The following KRR1 variants were observed in gnomAD, a reference collection of about 807,000 sequenced individuals.
KRR1 encodes KRR1 small subunit processome component homolog.
In KRR1, 23 loss-of-function variants were observed where a neutral mutation model predicts 50.0. The observed-to-expected ratio is 0.46, with a 90% CI of 0.33 to 0.65. KRR1 has a LOEUF of 0.65. KRR1 is among the 30% of genes least tolerant of loss of function. The pLI, the probability that KRR1 is intolerant of heterozygous loss-of-function variation, is 0.02. For missense variants in KRR1, 419 were observed against 442.4 expected, an observed-to-expected ratio of 0.95 and a Z score of 0.47; for synonymous variants, 133 against 146.3, an observed-to-expected ratio of 0.91 and a Z score of 0.66.
Position 75,511,378 on chromosome 12 carries a change from TATC to T in KRR1, c.85+132_85+134del, listed in dbSNP as rs1339418835. 20 of 744,802 alleles carry T rather than the reference TATC, an allele frequency of 2.7e-5. No homozygotes were observed. In the East Asian group the frequency reaches 4.4e-4, roughly 16 times the overall value. The allele number at this position is 744,802 out of a possible 1,614,324, so 46.1% of individuals were successfully genotyped here. A position where few individuals can be genotyped will look rare whatever the true frequency, so the allele number is the denominator to read the frequency against. ...GTTCCTGTGGGCCCAGCCAAAATCT[TATC>T]AGCGATTATTCAGGTACTCAACTAC... On this transcript the variant is annotated intron_variant, in intron 1 of 9. Transcript: ENST00000229214.
intron 7 of KRR1, 54 bp downstream of exon 7, chr12:75,503,850 C>A: frequency 6.8e-7 from 1 of 1,479,990 alleles, no homozygotes; most frequent in Non-Finnish European, 9.2e-7. Context: ...AGTTTCTGAC[C>A]AAATACATTA....
rs2046416715 is a variant in KRR1 at position 75,505,241 on chromosome 12, A to G, written c.617T>C (p.Val206Ala). 1.3e-6 allele frequency: 2 copies of G among 1,575,436 alleles called. No homozygotes were observed. The highest frequency in any genetic ancestry group is 1.8e-5 in the Admixed American group (1 of 54,058). Residue 206 changes from valine to alanine, a missense_variant, in exon 6 of 10, where the codon GTC (valine) becomes GCC (alanine). Coordinates refer to ENST00000229214, the MANE Select transcript of KRR1 (RefSeq NM_007043.7). ...FSGLKEVRKV[V>A]LDTMKNIHPI... Reference sequence around the variant, plus strand: ...ATGAATATTCTTCATAGTATCAAGGACTACTTTTCTAACCTGAAATTTGCA... The same window carrying G: ...ATGAATATTCTTCATAGTATCAAGGGCTACTTTTCTAACCTGAAATTTGCA...
In KRR1 at chr12:75,495,955, A is replaced by G. The variant is rs977262630; in HGVS notation, c.*3854T>C. 2.6e-5 allele frequency: 6 copies of G among 228,124 alleles called. No homozygotes were observed. The highest frequency in any genetic ancestry group is 1.4e-4 in the African/African-American group (6 of 43,608). The allele number at this position is 228,124 out of a possible 1,614,324, so 14.1% of individuals were successfully genotyped here. Reference sequence around the variant, plus strand: ...TTTGCTTATTTCAGCAAGATCAAAAATAAGTATAACAGGTCATCCAAACAA... The same window carrying G: ...TTTGCTTATTTCAGCAAGATCAAAAGTAAGTATAACAGGTCATCCAAACAA... On this transcript the variant is annotated 3_prime_UTR_variant, in exon 10 of 10. Transcript: ENST00000229214.
chr12:75,503,723 C>T (rs2046409381), intron 7 of KRR1, 181 bp downstream of exon 7: 2 of 491,104 alleles, frequency 4.1e-6, no homozygotes, highest in South Asian at 4.4e-5. Flanking sequence ...ACTGCACACC[C>T]CCATGCACTC....
rs1325417510 is a variant in KRR1, at chr12:75,491,946, G to A, written c.*7863C>T. 2 of 152,176 alleles carry A rather than the reference G, an allele frequency of 1.3e-5. No individual in the cohort carries two copies. The highest frequency in any genetic ancestry group is 2.9e-5 in the Non-Finnish European group (2 of 68,034). 9.4% of individuals were successfully genotyped at this position (152,176 alleles called of 1,614,324 possible). ...AGAAGACATGCTCGATACTCTGACTGAGTGCTGTAGGTGTGAAGGAGGAGA... is the reference window on the plus strand; with the variant it reads ...AGAAGACATGCTCGATACTCTGACTAAGTGCTGTAGGTGTGAAGGAGGAGA... On this transcript the variant is annotated 3_prime_UTR_variant, in exon 10 of 10. Coordinates refer to ENST00000229214, the MANE Select transcript of KRR1 (RefSeq NM_007043.7).
At chr12:75,505,015 G>A (rs1007812858) in intron 6 of KRR1, among the ~76,000 whole-genome samples, 183 bp downstream of exon 6, 1 of 151,880 alleles carries the variant, frequency 6.6e-6, no homozygotes, top group Non-Finnish European at 1.5e-5. Context: ...GAGCTTCTAA[G>A]AAGTACCTAC....
At chr12:75,502,150 A>G (rs2046398766) in intron 7 of KRR1, 150 bp from the exon 8 acceptor site, 1 of 640,030 alleles carries the variant, frequency 1.6e-6, no homozygotes, top group Non-Finnish European at 2.7e-6. Flanking sequence ...ACAGAGTCTA[A>G]GCTGAGGGGA....
chr12:75,496,725 T>A lies in KRR1; in HGVS notation c.*3084A>T, dbSNP rs1284377620. The A allele has an allele frequency of 1.2e-4, 19 of 152,190 alleles. No homozygotes were observed. Among genetic ancestry groups the A allele is most frequent in the Non-Finnish European group, 2.9e-5 (2 of 68,032 alleles). 9.4% of individuals were successfully genotyped at this position (152,190 alleles called of 1,614,324 possible). On this transcript the variant is annotated 3_prime_UTR_variant, in exon 10 of 10. Transcript: ENST00000229214. Reference sequence around the variant, plus strand: ...AAGGACAGAGTCGGCCAAGTTCCACTGCACGAAATTTAGTTTGGAAAAAAG... The same window carrying A: ...AAGGACAGAGTCGGCCAAGTTCCACAGCACGAAATTTAGTTTGGAAAAAAG...
In KRR1 at chr12:75,499,401, A is replaced by AGTAACTAGGGGATCTGATTTTAG. The variant is rs1380518959; in HGVS notation, c.*385_*407dup. On this transcript the variant is annotated 3_prime_UTR_variant, in exon 10 of 10. Coordinates refer to ENST00000229214, the MANE Select transcript of KRR1 (RefSeq NM_007043.7). ...TACTTCCCCAGATTCAGAACAGAGG[A>AGTAACTAGGGGATCTGATTTTAG]GTAACTAGGGGATCTGATTTTAGAG... The AGTAACTAGGGGATCTGATTTTAG allele has an allele frequency of 6.2e-6, 1 of 160,352 alleles. No homozygotes were observed. The highest frequency in any genetic ancestry group is 1.3e-5 in the Non-Finnish European group (1 of 74,170). The allele number at this position is 160,352 out of a possible 1,614,324, so 9.9% of individuals were successfully genotyped here.
rs111611825 is a variant in KRR1 at position 75,508,026 on chromosome 12, G to GTT, written c.258+246_258+247dup. 1.6e-3 allele frequency among the ~76,000 whole-genome samples: 247 copies of GTT among 152,210 alleles called. 1 individual carries two copies. Among genetic ancestry groups the GTT allele is most frequent in the African/African-American group, 5.7e-3 (237 of 41,530 alleles). ...GGACTTCACAGGTGAATTTCAGACAGTTGTGAAGCTCCTAAAATATTAAAG... is the reference window on the plus strand; with the variant it reads ...GGACTTCACAGGTGAATTTCAGACAGTTTTGTGAAGCTCCTAAAATATTAAAG... On this transcript the variant is annotated intron_variant, in intron 2 of 9. Transcript: ENST00000229214.
Position 75,498,774 on chromosome 12 carries a change from T to G in KRR1, c.*1035A>C. On this transcript the variant is annotated 3_prime_UTR_variant, in exon 10 of 10. Transcript: ENST00000229214. ...TTAAGAGCTATGTGAATTCTGTCAG[T>G]GCATTATGAGGAACAATGTCTAAGA... The G allele has an allele frequency of 6.2e-7, 1 of 1,606,632 alleles. No individual in the cohort carries two copies. Among genetic ancestry groups the G allele is most frequent in the Non-Finnish European group, 8.5e-7 (1 of 1,173,364 alleles).
At chr12:75,501,888 T>G in intron 8 of KRR1, 35 bp downstream of exon 8, 1 of 1,595,934 alleles carries the variant, frequency 6.3e-7, no homozygotes. Context: ...CTATGAACTT[T>G]GCTATTCATG....
intron 9 of KRR1, 159 bp from the exon 10 acceptor site, chr12:75,500,110 C>T: frequency 1.9e-6 from 1 of 523,348 alleles, no homozygotes; most frequent in South Asian, 3.5e-5. Flanking sequence ...AATATAAAAA[C>T]ACTTGCCTAA....
intron 1 of KRR1, among the ~76,000 whole-genome samples, chr12:75,509,602 T>C (rs1397776052): frequency 6.6e-6 from 1 of 151,308 alleles, no homozygotes; most frequent in Non-Finnish European, 1.5e-5. Flanking sequence ...TTTTTTTTTT[T>C]TTTAAAGACA....
chr12:75,505,237 A>AAGG lies in KRR1; in HGVS notation c.618_620dup (p.Leu207dup), dbSNP rs2046416683. The AAGG allele has an allele frequency of 6.3e-7, 1 of 1,575,120 alleles. No homozygotes were observed. ...TTGGATGAATATTCTTCATAGTATC[A>AAGG]AGGACTACTTTTCTAACCTGAAATT... On this transcript the variant is annotated inframe_insertion, in exon 6 of 10. Coordinates refer to ENST00000229214, the MANE Select transcript of KRR1 (RefSeq NM_007043.7).
intron 5 of KRR1, 145 bp downstream of exon 5, chr12:75,506,169 TTA>T: frequency 3.5e-6 from 2 of 571,618 alleles, no homozygotes; most frequent in South Asian, 4.9e-5. Context: ...TTCCCTTGAA[TTA>T]TATGACATAA....
Position 75,506,525 on chromosome 12 carries a change from G to C in KRR1, c.478C>G (p.Arg160Gly), listed in dbSNP as rs1006843823. The change falls in exon 4 of 10, where the codon CGA becomes GGA. Residue 160 changes from arginine (R) to glycine (G), a missense_variant. Transcript: ENST00000229214. ...LVRNKERFVK[R>G]RQRLIGPKGS... ...TTGGGACCAATAAGCCGTTGTCTTC[G>C]TTTTACAAATCTCTCTTTATTCCTT... The C allele has an allele frequency of 8.3e-6, 13 of 1,572,140 alleles. No individual in the cohort carries two copies. Among genetic ancestry groups the C allele is most frequent in the Non-Finnish European group, 9.5e-6 (11 of 1,157,096 alleles).
At chr12:75,506,639 C>CA in intron 3 of KRR1, 30 bp from the exon 4 acceptor site, 1 of 1,236,202 alleles carries the variant, frequency 8.1e-7, no homozygotes, top group African/African-American at 1.9e-5. Context: ...AAAAAGAAGA[C>CA]ATTATCAACA....
chr12:75,505,362 A>AC, intron 5 of KRR1, 108 bp from the exon 6 acceptor site: 1 of 1,069,410 alleles, frequency 9.4e-7, no homozygotes, highest in Non-Finnish European at 1.3e-6. Context: ...TAAATAATGT[A>AC]ATTAAATAAT....
Sources: allele counts gnomAD v4.1 joint callset (sites outside exome capture counted in the v4.1 genomes callset), GRCh38; gene constraint gnomAD v4.1.1; transcripts MANE v1.5; gene names NCBI Gene and HGNC (gene_info 2026-07-23, HGNC 2026-07-21).